Variants in ATRNL1 observed in about 807,000 individuals in gnomAD.
ATRNL1 encodes the protein attractin like 1.
ATRNL1 carries 95 observed loss-of-function variants against 182.7 expected under a neutral mutation model. The observed-to-expected ratio is 0.52, with a 90% confidence interval of 0.44 to 0.62. The LOEUF (loss-of-function observed/expected upper bound fraction) is 0.62, where lower values mean the gene tolerates loss of function less well. Ranked by LOEUF, ATRNL1 falls within the 20% of genes least tolerant of loss-of-function variation. The pLI is 0.00. For synonymous variants in ATRNL1, 576 were observed against 568.3 expected (o/e 1.01, Z -0.19); for missense variants, 1,471 against 1,679.5 (o/e 0.88, Z 2.17).
In ATRNL1 at chr10:115,428,407, G is replaced by A. The variant is rs563442777; in HGVS notation, c.3322+2105G>A. ...TTCTTTTTTCTGCCTTATTGCTATA[G>A]CTAGCACCTTTAATAATGTGTTGAA... is the stretch of plus-strand genomic sequence containing the variant. On this transcript the variant is annotated intron_variant, in intron 21 of 28. Transcript: ENST00000355044. 2.0e-4 allele frequency among the ~76,000 whole-genome samples: 30 copies of A among 151,934 alleles called. 1 individual carries two copies. The highest frequency in any genetic ancestry group is 1.8e-3 in the Admixed American group (27 of 15,262).
At chr10:115,142,777 T>C (rs1554878350) in intron 5 of ATRNL1, among the ~76,000 whole-genome samples, 1 of 152,078 alleles carries the variant, frequency 6.6e-6, no homozygotes, top group Non-Finnish European at 1.5e-5. Context: ...GTGGTGACAA[T>C]GGCTTGAATA....
intron 26 of ATRNL1, among the ~76,000 whole-genome samples, chr10:115,614,433 T>C (rs1214628941): frequency 6.6e-6 from 1 of 152,168 alleles, no homozygotes; most frequent in Non-Finnish European, 1.5e-5. Context: ...TGATGCTTGT[T>C]TTGTGGCCTA....
intron 26 of ATRNL1, among the ~76,000 whole-genome samples, chr10:115,724,126 G>A (rs1263836938): frequency 6.6e-6 from 1 of 152,030 alleles, no homozygotes; most frequent in African/African-American, 2.4e-5. Flanking sequence ...AAAATGTTAA[G>A]CTTCATTTTA....
rs781976563 is a variant in ATRNL1, at chr10:115,200,950, G to A, written c.1349-14747G>A. Among the ~76,000 whole-genome samples, 100 of 150,668 alleles carry A rather than the reference G, an allele frequency of 6.6e-4. No individual in the cohort carries two copies. In the Middle Eastern group the frequency reaches 0.017, roughly 26 times the overall value. On this transcript the variant is annotated intron_variant, in intron 8 of 28. Transcript: ENST00000355044. ...TGGTGTGAGATGGTATCTCATTGTG[G>A]TTTTGATTTGCATTTCTCTGATGGC...
chr10:115,287,615 G>A (rs61880825), intron 15 of ATRNL1, among the ~76,000 whole-genome samples: 33,020 of 151,874 alleles, frequency 0.22, 4,591 homozygotes, highest in Non-Finnish European at 0.31. Flanking sequence ...GGGGTACATA[G>A]TGCTGGTTTA....
chr10:115,707,966 T>C (rs1420768270), intron 26 of ATRNL1, among the ~76,000 whole-genome samples: 2 of 151,708 alleles, frequency 1.3e-5, no homozygotes, highest in Non-Finnish European at 3.0e-5. Flanking sequence ...CTTGCCAAAG[T>C]GCTTCATTAA....
intron 19 of ATRNL1, among the ~76,000 whole-genome samples, chr10:115,382,575 A>G (rs150740060): frequency 6.3e-4 from 95 of 151,900 alleles, no homozygotes; most frequent in African/African-American, 2.0e-3. Context: ...TAATTAATCT[A>G]TTAGTTCTAA....
intron 18 of ATRNL1, among the ~76,000 whole-genome samples, chr10:115,316,419 A>G (rs1554929725): frequency 1.3e-5 from 2 of 152,166 alleles, no homozygotes; most frequent in African/African-American, 4.8e-5. Context: ...TAATAAAGAT[A>G]CATGTGCATG....
In ATRNL1 at chr10:115,165,641, A is replaced by T; in HGVS notation, c.1088A>T (p.Tyr363Phe). 3 of 1,509,022 alleles carry T rather than the reference A, an allele frequency of 2.0e-6. No homozygotes were observed. The highest frequency in any genetic ancestry group is 2.7e-6 in the Non-Finnish European group (3 of 1,114,864). The allele number at this position is 1,509,022 out of a possible 1,614,324, so 93.5% of individuals were successfully genotyped here. ...LQRYGHSLAL[Y>F]QENIFMYGGR... The stretch of plus-strand genomic sequence containing the variant: ...AGATATGGACACTCTCTTGCTTTAT[A>T]TCAGGTATGGCTCCTGCTTTTTAAA... Residue 363 changes from tyrosine to phenylalanine, a missense_variant, in exon 7 of 29, where the codon TAT becomes TTT. Tyr to Phe is a conservative substitution (Grantham distance 22). Around this residue, in one of 3 missense-constraint regions of ATRNL1, gnomAD observed 1,031 missense variants for 1,156.0 expected, o/e 0.89. Coordinates refer to ENST00000355044, the MANE Select transcript of ATRNL1 (RefSeq NM_207303.4).
At chr10:115,540,768 A>G (rs1565148907) in intron 25 of ATRNL1, among the ~76,000 whole-genome samples, 1 of 101,582 alleles carries the variant, frequency 9.8e-6, no homozygotes, top group East Asian at 2.0e-4. Flanking sequence ...AAAAAAAAAA[A>G]AAAAGGGGGG....
At chr10:115,340,673 G>A (rs1670451260) in intron 19 of ATRNL1, among the ~76,000 whole-genome samples, 1 of 151,118 alleles carries the variant, frequency 6.6e-6, no homozygotes, top group South Asian at 2.1e-4. Context: ...TTTCTTTATT[G>A]GGAAACTTTT....
At chr10:115,465,725 A>G (rs1375583624) in intron 22 of ATRNL1, among the ~76,000 whole-genome samples, 1 of 151,492 alleles carries the variant, frequency 6.6e-6, no homozygotes, top group African/African-American at 2.4e-5. Flanking sequence ...CCAAGGTTTT[A>G]TTTTTCTTTG....
At chr10:115,495,499 G>A (rs1849499901) in intron 24 of ATRNL1, among the ~76,000 whole-genome samples, 1 of 152,106 alleles carries the variant, frequency 6.6e-6, no homozygotes, top group Admixed American at 6.6e-5. Context: ...CTGTGCTCCA[G>A]AGATTCTGGT....
chr10:115,449,621 A>G (rs1366547962), intron 21 of ATRNL1, among the ~76,000 whole-genome samples: 4 of 152,128 alleles, frequency 2.6e-5, no homozygotes, highest in African/African-American at 9.7e-5. Flanking sequence ...AGACACTGCC[A>G]TGGGGCTGCA....
chr10:115,745,246 G>A (rs894070640), intron 27 of ATRNL1, among the ~76,000 whole-genome samples: 3 of 151,858 alleles, frequency 2.0e-5, no homozygotes, highest in Non-Finnish European at 4.4e-5. Flanking sequence ...AGACTTCTGT[G>A]TCTTGTTTCT....
chr10:115,554,636 C>T (rs183526906), intron 26 of ATRNL1, among the ~76,000 whole-genome samples: 14 of 151,682 alleles, frequency 9.2e-5, no homozygotes, highest in Non-Finnish European at 1.6e-4. Context: ...CACACATACA[C>T]GTGCAAAGTT....
At chr10:115,673,456 C>A (rs1945761794) in intron 26 of ATRNL1, among the ~76,000 whole-genome samples, 1 of 151,954 alleles carries the variant, frequency 6.6e-6, no homozygotes, top group Non-Finnish European at 1.5e-5. Context: ...ATCAGACAGG[C>A]ATTTGAGTCT....
At chr10:115,554,791 C>A (rs1431537806) in intron 26 of ATRNL1, among the ~76,000 whole-genome samples, 10 of 151,494 alleles carry the variant, frequency 6.6e-5, no homozygotes, top group South Asian at 2.1e-4. Flanking sequence ...TTCAAAAAAA[C>A]CCCTAAACAA....
At position 115,775,907 on chromosome 10, in the gene ATRNL1, G is replaced by A. The variant is rs576288856; in HGVS notation, c.3903+48552G>A. Reference sequence around the variant, plus strand: ...CGGGAGGCGGAGGTTGCAGTGAGCCGAGATCGCACCATTGCACTCCAACCT... The same window carrying A: ...CGGGAGGCGGAGGTTGCAGTGAGCCAAGATCGCACCATTGCACTCCAACCT... On this transcript the variant is annotated intron_variant, in intron 27 of 28. Coordinates refer to ENST00000355044, the MANE Select transcript of ATRNL1 (RefSeq NM_207303.4). 2.2e-4 allele frequency among the ~76,000 whole-genome samples: 32 copies of A among 146,024 alleles called. 2 individuals carry two copies. The East Asian group carries it at 3.7e-3, about 17-fold the overall frequency.
Sources: allele counts gnomAD v4.1 joint callset (sites outside exome capture counted in the v4.1 genomes callset), GRCh38; gene constraint gnomAD v4.1.1; regional missense constraint gnomAD v4.1.1; transcripts MANE v1.5; gene names NCBI Gene and HGNC (gene_info 2026-07-23, HGNC 2026-07-21).